CRYL1: variants seen among roughly 807,000 people sequenced by gnomAD.
The protein encoded by CRYL1 is lambda-crystallin homolog.
A neutral mutation model predicts 36.6 loss-of-function variants in CRYL1; 29 were observed. The ratio of observed to expected loss-of-function variants is 0.79; its 90% CI spans 0.59 to 1.08. The LOEUF (loss-of-function observed/expected upper bound fraction) is 1.08, where lower values mean the gene tolerates loss of function less well. Ranked by LOEUF, CRYL1 falls within the 50% of genes least tolerant of loss-of-function variation. CRYL1 has a pLI of 0.00. For synonymous variants in CRYL1, 152 were observed against 151.5 expected, an observed-to-expected ratio of 1.00 and a Z score of -0.02; for missense variants, 411 against 407.9, an observed-to-expected ratio of 1.01 and a Z score of -0.06.
Position 20,481,554 on chromosome 13 carries a change from C to T in CRYL1, c.276+7816G>A, listed in dbSNP as rs534810241. Among the ~76,000 whole-genome samples, 56 of 152,188 alleles carry T rather than the reference C, an allele frequency of 3.7e-4. No homozygotes were observed. Among genetic ancestry groups the T allele is most frequent in the Non-Finnish European group, 5.3e-4 (36 of 68,018 alleles). The stretch of plus-strand genomic sequence containing the variant: ...AGACACATAGCACTGAACCCTGAAA[C>T]GAGTGAATTTTCTTGTATGGAAATT... On this transcript the variant is annotated intron_variant, in intron 3 of 7. Coordinates refer to ENST00000298248, the MANE Select transcript of CRYL1 (RefSeq NM_015974.3). This position sits in a 1 kb window ranked among gnomAD's most constrained non-coding sequence, Gnocchi z 4.1.
chr13:20,455,768 A>T (rs2032669715), intron 3 of CRYL1, among the ~76,000 whole-genome samples: 1 of 152,236 alleles, frequency 6.6e-6, no homozygotes, highest in Non-Finnish European at 1.5e-5. Context: ...TGGAAGGCAA[A>T]GGAGTCAGAA....
At chr13:20,498,119 CAT>C (rs1373109259) in intron 2 of CRYL1, among the ~76,000 whole-genome samples, 2 of 150,920 alleles carry the variant, frequency 1.3e-5, no homozygotes, top group African/African-American at 4.9e-5. Flanking sequence ...ACACACACCC[CAT>C]ATACACAGTA....
chr13:20,420,803 G>T (rs9506484), intron 5 of CRYL1, among the ~76,000 whole-genome samples: 104,090 of 147,652 alleles, frequency 0.7, 37,695 homozygotes, highest in Admixed American at 0.82. Context: ...TGGCGTGATC[G>T]CAACTCACTG....
intron 2 of CRYL1, among the ~76,000 whole-genome samples, chr13:20,499,317 G>C (rs1475238896): frequency 2.1e-5 from 3 of 144,760 alleles, no homozygotes; most frequent in African/African-American, 7.6e-5. Context: ...GTGCACTCCA[G>C]CCTGGGCAAC....
At chr13:20,465,023 T>C (rs1185162656) in intron 3 of CRYL1, among the ~76,000 whole-genome samples, 1 of 152,182 alleles carries the variant, frequency 6.6e-6, no homozygotes, top group Non-Finnish European at 1.5e-5. Context: ...TTCTAAATAT[T>C]TCAGGTTAAA....
chr13:20,510,195 C>T (rs9578296), intron 2 of CRYL1, among the ~76,000 whole-genome samples: 8,280 of 152,256 alleles, frequency 0.054, 685 homozygotes, highest in African/African-American at 0.18. Context: ...TATGTCCATA[C>T]AAAAACCTGC....
intron 1 of CRYL1, among the ~76,000 whole-genome samples, chr13:20,516,629 G>T (rs1162812236): frequency 6.6e-6 from 1 of 151,962 alleles, no homozygotes; most frequent in Non-Finnish European, 1.5e-5. Context: ...ACAGGCGCTC[G>T]CCACCACGCC....
intron 2 of CRYL1, among the ~76,000 whole-genome samples, chr13:20,504,335 G>A (rs1278107038): frequency 1.6e-5 from 2 of 128,878 alleles, no homozygotes; most frequent in Non-Finnish European, 3.1e-5. Flanking sequence ...ACAGGGTCTC[G>A]CTCTGTCACC....
At chr13:20,507,729 T>C (rs572102723) in intron 2 of CRYL1, among the ~76,000 whole-genome samples, 59 of 151,830 alleles carry the variant, frequency 3.9e-4, no homozygotes, top group South Asian at 6.3e-4. Context: ...CCATCCTGGC[T>C]AACACAGTGA....
At chr13:20,505,703 AC>A (rs1377675794) in intron 2 of CRYL1, among the ~76,000 whole-genome samples, 2 of 152,214 alleles carry the variant, frequency 1.3e-5, no homozygotes, top group Non-Finnish European at 2.9e-5. Context: ...AGACCACAAA[AC>A]AGGGTGTCAG....
rs1218438432 is a variant in CRYL1, at chr13:20,481,889, T to G, written c.276+7481A>C. Among the ~76,000 whole-genome samples the G allele has an allele frequency of 6.6e-6, 1 of 152,034 alleles. No individual in the cohort carries two copies. The highest frequency in any genetic ancestry group is 1.9e-4 in the East Asian group (1 of 5,190). ...TCGCACCACTGCACTCCAGCCTGGGTGACAAAGGTGCGACTCCATCTCGAA... is the reference window on the plus strand; with the variant it reads ...TCGCACCACTGCACTCCAGCCTGGGGGACAAAGGTGCGACTCCATCTCGAA... On this transcript the variant is annotated intron_variant, in intron 3 of 7. Transcript: ENST00000298248. The surrounding 1 kb of genome is among the most constrained non-coding windows in gnomAD (Gnocchi z 4.1).
chr13:20,498,431 C>T (rs1057326076), intron 2 of CRYL1, among the ~76,000 whole-genome samples: 2 of 152,146 alleles, frequency 1.3e-5, no homozygotes, highest in Non-Finnish European at 2.9e-5. Flanking sequence ...ACCATATACA[C>T]ACTACACACA....
chr13:20,468,757 C>T lies in CRYL1; in HGVS notation c.276+20613G>A, dbSNP rs4589403. Among the ~76,000 whole-genome samples the T allele has an allele frequency of 0.82, 125,284 of 152,148 alleles. 51,720 individuals are homozygous for T. The highest frequency in any genetic ancestry group is 0.87 in the Admixed American group (13,268 of 15,288). On this transcript the variant is annotated intron_variant, in intron 3 of 7. Transcript: ENST00000298248. ...AGTGGCGAAGACTACAGGCATATAC[C>T]GCCATGCCTGGCTAATTTTTGTATT...
intron 1 of CRYL1, among the ~76,000 whole-genome samples, chr13:20,524,250 G>A (rs969147580): frequency 2.0e-5 from 3 of 152,278 alleles, no homozygotes; most frequent in Admixed American, 6.5e-5. Context: ...GTGCGCGTGC[G>A]CGCACGCATG....
chr13:20,498,710 A>C (rs1593488597), intron 2 of CRYL1, among the ~76,000 whole-genome samples: 1 of 152,242 alleles, frequency 6.6e-6, no homozygotes, highest in African/African-American at 2.4e-5. Flanking sequence ...TTACCTTTTC[A>C]GTAAAACCAC....
At chr13:20,523,486 T>C (rs74038909) in intron 1 of CRYL1, among the ~76,000 whole-genome samples, 4,408 of 152,254 alleles carry the variant, frequency 0.029, 230 homozygotes, top group African/African-American at 0.1. Flanking sequence ...GCTCCTGAAA[T>C]TGAAATATGT....
rs775064668 is a variant in CRYL1, at chr13:20,489,415, A to G, written c.231T>C (p.Gly77=). ...CTACTGCTTCTTGGATATTGGGACAACCACTGATGAGTGACAGCTGCTCTT... is the reference window on the plus strand; with the variant it reads ...CTACTGCTTCTTGGATATTGGGACAGCCACTGATGAGTGACAGCTGCTCTT... ...SVEEQLSLIS[G]CPNIQEAVEG... The change falls in exon 3 of 8, where the codon GGT becomes GGC. Residue 77 remains glycine, a synonymous_variant. Transcript: ENST00000298248. The G allele has an allele frequency of 2.2e-5, 35 of 1,613,538 alleles. No homozygotes were observed. The highest frequency in any genetic ancestry group is 2.7e-5 in the Non-Finnish European group (32 of 1,180,026).
intron 3 of CRYL1, among the ~76,000 whole-genome samples, chr13:20,469,046 A>G (rs1471661026): frequency 6.6e-6 from 1 of 152,178 alleles, no homozygotes; most frequent in Non-Finnish European, 1.5e-5. Context: ...TCCCTGTTAC[A>G]ACTCCATCCA....
intron 5 of CRYL1, among the ~76,000 whole-genome samples, chr13:20,424,795 A>C (rs2031896882): frequency 6.6e-6 from 1 of 152,194 alleles, no homozygotes; most frequent in African/African-American, 2.4e-5. Context: ...TCAGAGCAAC[A>C]GGAAGAAAAG....
Sources: allele counts gnomAD v4.1 joint callset (sites outside exome capture counted in the v4.1 genomes callset), GRCh38; gene constraint gnomAD v4.1.1; non-coding constraint Gnocchi (gnomAD v3.1); transcripts MANE v1.5; gene names NCBI Gene and HGNC (gene_info 2026-07-23, HGNC 2026-07-21).